SMYD1: variants seen among roughly 807,000 people sequenced by gnomAD.
SMYD1 encodes the protein histone-lysine N-methyltransferase SMYD1.
Under a neutral mutation model 54.0 loss-of-function variants are expected in SMYD1, and 49 were observed. That is an observed-to-expected ratio of 0.91 (90% CI 0.72 to 1.15). SMYD1 has a LOEUF of 1.15. Ranked by LOEUF, SMYD1 falls within the 50% of genes most tolerant of loss-of-function variation. The probability of loss-of-function intolerance (pLI) is 0.00; values close to 1 mark genes in which losing one functional copy is unlikely to be tolerated. For missense variants in SMYD1, 653 were observed against 639.6 expected, an observed-to-expected ratio of 1.02 and a Z score of -0.23; for synonymous variants, 269 against 234.2, an observed-to-expected ratio of 1.15 and a Z score of -1.36.
chr2:88,087,590 C>T (rs1674361184), intron 2 of SMYD1, among the ~76,000 whole-genome samples: 1 of 152,184 alleles, frequency 6.6e-6, no homozygotes, highest in Non-Finnish European at 1.5e-5. Flanking sequence ...TGTGACACTT[C>T]CCTGGAAGAC....
At chr2:88,070,957 A>C (rs915768505) in intron 1 of SMYD1, among the ~76,000 whole-genome samples, 9 of 151,776 alleles carry the variant, frequency 5.9e-5, no homozygotes, top group Non-Finnish European at 8.8e-5. Flanking sequence ...AAAAAAAAAA[A>C]AAAAAAAAAA....
chr2:88,079,214 G>C (rs1484981255), intron 1 of SMYD1, among the ~76,000 whole-genome samples: 1 of 152,200 alleles, frequency 6.6e-6, no homozygotes, highest in Non-Finnish European at 1.5e-5. Flanking sequence ...GCAGCTGAAG[G>C]CTCTGTCTCC....
intron 6 of SMYD1, among the ~76,000 whole-genome samples, chr2:88,099,251 A>G (rs967603473): frequency 6.6e-6 from 1 of 151,890 alleles, no homozygotes; most frequent in Non-Finnish European, 1.5e-5. Flanking sequence ...GCTGCTGGCT[A>G]ATTTTTGTAT....
intron 6 of SMYD1, 101 bp from the exon 7 acceptor site, chr2:88,102,954 CATT>C (rs1430909799): frequency 1.2e-6 from 1 of 826,844 alleles, no homozygotes; most frequent in Non-Finnish European, 2.0e-6. Context: ...ATGAGGAAGA[CATT>C]AACCTTGTGC....
At chr2:88,096,280 T>TTTA (rs1260387541) in intron 5 of SMYD1, among the ~76,000 whole-genome samples, 1 of 152,158 alleles carries the variant, frequency 6.6e-6, no homozygotes, top group Non-Finnish European at 1.5e-5. Flanking sequence ...AGCTAAAAAG[T>TTTA]AAAAGGAGGC....
chr2:88,104,686 T>G (rs1674816887), intron 7 of SMYD1, among the ~76,000 whole-genome samples: 1 of 152,372 alleles, frequency 6.6e-6, no homozygotes, highest in South Asian at 2.1e-4. Flanking sequence ...CCTCATGAAC[T>G]CTGGGAAAGT....
chr2:88,110,200 A>AGTGTGTGTGT lies in SMYD1; in HGVS notation c.1315-129_1315-120dup, dbSNP rs3222709. On this transcript the variant is annotated intron_variant, in intron 9 of 9. Transcript: ENST00000419482. The stretch of plus-strand genomic sequence containing the variant: ...CAGGACATTAGGCCCTTGATGAATG[A>AGTGTGTGTGT]GTGTGTGTGTGTGTGTGTGTGTGTG... Among the ~76,000 whole-genome samples, 35 of 139,080 alleles carry AGTGTGTGTGT rather than the reference A, an allele frequency of 2.5e-4. No homozygotes were observed. In the South Asian group the frequency reaches 2.9e-3, roughly 11 times the overall value. The allele number at this position is 139,080 out of a possible 152,430, so 91.2% of individuals were successfully genotyped here.
At chr2:88,095,009 G>T (rs775805995) in intron 5 of SMYD1, among the ~76,000 whole-genome samples, 2 of 152,160 alleles carry the variant, frequency 1.3e-5, no homozygotes, top group South Asian at 4.1e-4. Flanking sequence ...AACCAGGCAA[G>T]GCTACTATGT....
intron 1 of SMYD1, among the ~76,000 whole-genome samples, chr2:88,073,092 T>C (rs1319795058): frequency 6.6e-6 from 1 of 152,192 alleles, no homozygotes. Context: ...CTCCAGTGTT[T>C]ATTGTTCACA....
At chr2:88,106,294 G>A in intron 7 of SMYD1, 31 bp from the exon 8 acceptor site, 1 of 1,610,356 alleles carries the variant, frequency 6.2e-7, no homozygotes, top group South Asian at 1.1e-5. Context: ...CTGGTGCAAT[G>A]GTAATGGGCA....
chr2:88,107,609 C>A (rs879744815), intron 8 of SMYD1, among the ~76,000 whole-genome samples: 4 of 152,194 alleles, frequency 2.6e-5, no homozygotes, highest in South Asian at 4.1e-4. Flanking sequence ...AGCTTCCCAG[C>A]GGCTTTGTTT....
rs76832179 is a variant in SMYD1, at chr2:88,098,889, C to A, written c.888+2105C>A. 6.7e-3 allele frequency among the ~76,000 whole-genome samples: 1,019 copies of A among 152,250 alleles called. 11 individuals carry two copies. The highest frequency in any genetic ancestry group is 0.023 in the African/African-American group (944 of 41,552). ...CCTCCATCAGTACACCAGCCTCAAA[C>A]CTTCAATTGCCATCAAAATCTTTCC... On this transcript the variant is annotated intron_variant, in intron 6 of 9. Coordinates refer to ENST00000419482, the MANE Select transcript of SMYD1 (RefSeq NM_198274.4).
chr2:88,073,357 G>A (rs1673990676), intron 1 of SMYD1, among the ~76,000 whole-genome samples: 1 of 152,152 alleles, frequency 6.6e-6, no homozygotes, highest in Non-Finnish European at 1.5e-5. Flanking sequence ...TGTGGATAGT[G>A]CTGTGATAAA....
At chr2:88,078,166 C>G (rs1275476952) in intron 1 of SMYD1, among the ~76,000 whole-genome samples, 1 of 152,170 alleles carries the variant, frequency 6.6e-6, no homozygotes, top group Non-Finnish European at 1.5e-5. Context: ...TGGCCCAGCC[C>G]TCTCTGAGTG....
At chr2:88,099,946 C>T (rs1674682314) in intron 6 of SMYD1, among the ~76,000 whole-genome samples, 1 of 150,542 alleles carries the variant, frequency 6.6e-6, no homozygotes. Flanking sequence ...TGGCCCCTTT[C>T]CTTATCCTCT....
chr2:88,096,944 A>C (rs1411646950), intron 6 of SMYD1, among the ~76,000 whole-genome samples, 160 bp downstream of exon 6: 1 of 152,202 alleles, frequency 6.6e-6, no homozygotes, highest in Non-Finnish European at 1.5e-5. Context: ...CACCGCAGGT[A>C]GGTCCCAGCT....
intron 5 of SMYD1, among the ~76,000 whole-genome samples, chr2:88,095,884 G>A (rs1674575227): frequency 6.6e-6 from 1 of 152,190 alleles, no homozygotes; most frequent in South Asian, 2.1e-4. Flanking sequence ...GGTGGGTAGT[G>A]CTGTAGCTAA....
intron 2 of SMYD1, 146 bp downstream of exon 2, chr2:88,084,638 C>A: frequency 1.4e-6 from 1 of 714,012 alleles, no homozygotes; most frequent in Non-Finnish European, 2.2e-6. Flanking sequence ...CACTTCTCTT[C>A]ACTCCCTTAA....
intron 2 of SMYD1, among the ~76,000 whole-genome samples, chr2:88,086,049 A>G (rs1674315817): frequency 6.6e-6 from 1 of 152,188 alleles, no homozygotes; most frequent in South Asian, 2.1e-4. Context: ...GGATACATGA[A>G]GCTACATAGG....
Sources: gnomAD v4.1 joint callset for allele counts (sites outside exome capture counted in the v4.1 genomes callset) on GRCh38, gnomAD v4.1.1 for gene constraint, MANE v1.5 for transcripts, NCBI Gene and HGNC (gene_info 2026-07-23, HGNC 2026-07-21) for gene names.